CCSER1: variants seen among roughly 807,000 people sequenced by gnomAD.
CCSER1 encodes the protein coiled-coil serine rich protein 1.
A neutral mutation model predicts 82.0 loss-of-function variants in CCSER1; 41 were observed. The observed-to-expected ratio is 0.50, with a 90% CI of 0.39 to 0.65. The LOEUF is 0.65. Among genes scored for constraint, CCSER1 ranks in the 30% least tolerant of loss-of-function variants. CCSER1 has a pLI of 0.00. For synonymous variants in CCSER1, 414 were observed against 383.9 expected (o/e 1.08, Z -0.92); for missense variants, 1,119 against 1,064.2 (o/e 1.05, Z -0.72).
intron 5 of CCSER1, among the ~76,000 whole-genome samples, chr4:90,533,566 T>G (rs1237095642): frequency 2.0e-5 from 3 of 152,212 alleles, no homozygotes; most frequent in Non-Finnish European, 4.4e-5. Context: ...ACTCACTGGT[T>G]TTTTAGAGCT....
intron 4 of CCSER1, among the ~76,000 whole-genome samples, chr4:90,422,959 C>T (rs1024042464): frequency 2.0e-5 from 3 of 152,036 alleles, no homozygotes; most frequent in African/African-American, 4.8e-5. Flanking sequence ...CTTCCATATT[C>T]GATAATGATG....
At chr4:90,204,392 G>C (rs1345741776) in intron 1 of CCSER1, among the ~76,000 whole-genome samples, 1 of 152,138 alleles carries the variant, frequency 6.6e-6, no homozygotes, top group Non-Finnish European at 1.5e-5. Flanking sequence ...AAGGGGTCCA[G>C]TTTCAATTTT....
chr4:90,971,996 A>G (rs931045979), intron 9 of CCSER1, among the ~76,000 whole-genome samples: 3 of 151,932 alleles, frequency 2.0e-5, no homozygotes, highest in Non-Finnish European at 4.4e-5. Context: ...ATGTACCTCA[A>G]CATAACAAAG....
intron 6 of CCSER1, among the ~76,000 whole-genome samples, chr4:90,699,922 A>G (rs1208615127): frequency 6.6e-6 from 1 of 152,008 alleles, no homozygotes; most frequent in Non-Finnish European, 1.5e-5. Context: ...GGCACCGTCT[A>G]TGAGCCAGAA....
intron 5 of CCSER1, among the ~76,000 whole-genome samples, chr4:90,591,743 A>T (rs1340483193): frequency 3.3e-5 from 5 of 152,352 alleles, no homozygotes; most frequent in African/African-American, 1.2e-4. Context: ...GTGTATGTTT[A>T]TTGGAACACT....
chr4:91,042,788 A>G (rs1237881555), intron 9 of CCSER1, among the ~76,000 whole-genome samples: 2 of 152,194 alleles, frequency 1.3e-5, no homozygotes, highest in Non-Finnish European at 2.9e-5. Context: ...CAGGGGGGAA[A>G]AAGTACGTGA....
At chr4:90,475,493 C>T (rs183491467) in intron 5 of CCSER1, among the ~76,000 whole-genome samples, 2 of 152,302 alleles carry the variant, frequency 1.3e-5, no homozygotes, top group Admixed American at 6.5e-5. Flanking sequence ...AACTTTCTAA[C>T]CTCAAGTCTA....
intron 10 of CCSER1, among the ~76,000 whole-genome samples, chr4:91,128,050 C>G (rs537667374): frequency 1.3e-5 from 2 of 152,134 alleles, no homozygotes; most frequent in South Asian, 2.1e-4. Context: ...CCTGTTAGTC[C>G]TGCTGCTGCT....
At chr4:91,496,705 T>TTTGA (rs1464083284) in intron 10 of CCSER1, among the ~76,000 whole-genome samples, 1 of 40,406 alleles carries the variant, frequency 2.5e-5, no homozygotes, top group African/African-American at 6.5e-5. Context: ...TCAATATATA[T>TTTGA]ATATATTCAA....
chr4:90,271,151 A>T (rs1455882589), intron 1 of CCSER1, among the ~76,000 whole-genome samples: 1 of 152,174 alleles, frequency 6.6e-6, no homozygotes, highest in South Asian at 2.1e-4. Context: ...TAAAATTTAT[A>T]TGGAGCCACA....
At chr4:91,000,488 G>A in intron 9 of CCSER1, among the ~76,000 whole-genome samples, 1 of 152,000 alleles carries the variant, frequency 6.6e-6, no homozygotes, top group East Asian at 1.9e-4. Context: ...GATAGGAATA[G>A]CATTGATCTG....
At chr4:90,145,072 A>G (rs1234064614) in intron 1 of CCSER1, among the ~76,000 whole-genome samples, 2 of 152,096 alleles carry the variant, frequency 1.3e-5, no homozygotes, top group African/African-American at 4.8e-5. Flanking sequence ...TCCAGGTATC[A>G]AGTATTATGA....
At chr4:90,887,752 C>T (rs1329841674) in intron 8 of CCSER1, among the ~76,000 whole-genome samples, 8 of 151,952 alleles carry the variant, frequency 5.3e-5, no homozygotes, top group Non-Finnish European at 8.8e-5. Context: ...CGTGGTGGTG[C>T]GCACCTGTAG....
In CCSER1 at chr4:90,792,627, C is replaced by T. The variant is rs193008594; in HGVS notation, c.2011-23135C>T. 3.0e-3 allele frequency among the ~76,000 whole-genome samples: 462 copies of T among 152,266 alleles called. 12 individuals carry two copies. Among genetic ancestry groups the T allele is most frequent in the Non-Finnish European group, 7.6e-4 (52 of 68,028 alleles). On this transcript the variant is annotated intron_variant, in intron 7 of 10. Transcript: ENST00000509176. ...TGATGTGACAGAATACATGGACACT[C>T]AGACAGATAAAAGGCAGAACTCTTT... is the stretch of plus-strand genomic sequence containing the variant.
intron 10 of CCSER1, among the ~76,000 whole-genome samples, chr4:91,437,762 G>A (rs902690231): frequency 2.0e-5 from 3 of 152,184 alleles, no homozygotes; most frequent in Admixed American, 6.5e-5. Flanking sequence ...CTGGAAAATC[G>A]GGTCACTCCC....
chr4:90,543,907 G>A (rs1292545581), intron 5 of CCSER1, among the ~76,000 whole-genome samples: 1 of 152,132 alleles, frequency 6.6e-6, no homozygotes, highest in Non-Finnish European at 1.5e-5. Context: ...TGTGATGAAA[G>A]GGTCTGAGAT....
chr4:91,468,272 A>G (rs1306290870), intron 10 of CCSER1, among the ~76,000 whole-genome samples: 1 of 152,148 alleles, frequency 6.6e-6, no homozygotes, highest in African/African-American at 2.4e-5. Context: ...CAAACACTGC[A>G]TGTTCTCACT....
chr4:91,158,598 A>C lies in CCSER1; in HGVS notation c.2217+72604A>C, dbSNP rs1731055867. Among the ~76,000 whole-genome samples, 3 of 149,558 alleles carry C rather than the reference A, an allele frequency of 2.0e-5. No homozygotes were observed. The South Asian group carries it at 6.3e-4, about 31-fold the overall frequency. On this transcript the variant is annotated intron_variant, in intron 10 of 10. Coordinates refer to ENST00000509176, the MANE Select transcript of CCSER1 (RefSeq NM_001145065.2). ...CAATGGGAAAATTGGGAAATTTAAAACATTTCTCTCTCCCTCTCTTTCTGT... is the reference window on the plus strand; with the variant it reads ...CAATGGGAAAATTGGGAAATTTAAACCATTTCTCTCTCCCTCTCTTTCTGT...
intron 10 of CCSER1, among the ~76,000 whole-genome samples, chr4:91,099,304 A>G (rs555399633): frequency 6.6e-4 from 100 of 152,330 alleles, no homozygotes; most frequent in African/African-American, 2.3e-3. Context: ...TTTGGTGCCT[A>G]TAGCCCACCA....
Sources: allele counts gnomAD v4.1 joint callset (sites outside exome capture counted in the v4.1 genomes callset), GRCh38; gene constraint gnomAD v4.1.1; transcripts MANE v1.5; gene names NCBI Gene and HGNC (gene_info 2026-07-23, HGNC 2026-07-21).